Variants in LRGUK observed in about 807,000 individuals in gnomAD.
The protein encoded by LRGUK is leucine-rich repeat and guanylate kinase domain-containing protein.
A neutral mutation model predicts 76.0 loss-of-function variants in LRGUK; 65 were observed. The observed-to-expected ratio is 0.85, with a 90% CI of 0.70 to 1.05. The LOEUF (loss-of-function observed/expected upper bound fraction) is 1.05. LRGUK is among the 50% of genes least tolerant of loss of function. LRGUK has a pLI of 0.00. For missense variants in LRGUK, 758 were observed against 732.8 expected (o/e 1.03, Z -0.40); for synonymous variants, 268 against 265.6 (o/e 1.01, Z -0.09).
At chr7:134,157,614 C>T (rs1317763933) in intron 5 of LRGUK, among the ~76,000 whole-genome samples, 2 of 152,228 alleles carry the variant, frequency 1.3e-5, no homozygotes, top group African/African-American at 2.4e-5. Flanking sequence ...GCTCCGCCTC[C>T]CGGGTTCACG....
chr7:134,190,899 A>G (rs1800195509), intron 11 of LRGUK, among the ~76,000 whole-genome samples: 1 of 148,160 alleles, frequency 6.7e-6, no homozygotes, highest in East Asian at 1.9e-4. Flanking sequence ...GGGGATAGAC[A>G]GTAGTTGAGC....
chr7:134,137,612 A>C (rs1797590613), intron 2 of LRGUK, among the ~76,000 whole-genome samples: 1 of 152,196 alleles, frequency 6.6e-6, no homozygotes, highest in Non-Finnish European at 1.5e-5. Context: ...TTAAAGAAAA[A>C]AAAAATCTAT....
intron 2 of LRGUK, 47 bp downstream of exon 2, chr7:134,137,177 C>G: frequency 7.4e-7 from 1 of 1,347,504 alleles, no homozygotes; most frequent in Non-Finnish European, 1.0e-6. Flanking sequence ...TTGACACTGG[C>G]TAGACCATAT....
chr7:134,235,797 CTG>C (rs1801999792), intron 16 of LRGUK, among the ~76,000 whole-genome samples: 1 of 152,156 alleles, frequency 6.6e-6, no homozygotes, highest in South Asian at 2.1e-4. Flanking sequence ...CATGTCTTCT[CTG>C]AGTCATTTTC....
chr7:134,251,932 G>C (rs574437573), intron 18 of LRGUK, among the ~76,000 whole-genome samples: 1 of 152,228 alleles, frequency 6.6e-6, no homozygotes, highest in South Asian at 2.1e-4. Flanking sequence ...TGGCAATATT[G>C]GTCTCAGTTT....
intron 10 of LRGUK, among the ~76,000 whole-genome samples, chr7:134,180,300 CCA>C (rs1799684748): frequency 7.0e-6 from 1 of 143,522 alleles, no homozygotes; most frequent in Non-Finnish European, 1.5e-5. Context: ...GTCCATCCAT[CCA>C]TCCATCCATC....
chr7:134,142,199 G>A (rs111454165), intron 3 of LRGUK, among the ~76,000 whole-genome samples: 192 of 152,232 alleles, frequency 1.3e-3, no homozygotes, highest in African/African-American at 4.2e-3. Context: ...AATCTAGAAC[G>A]AGGAGAGAGA....
chr7:134,252,361 A>AT (rs1246418189), intron 18 of LRGUK, among the ~76,000 whole-genome samples: 45 of 151,868 alleles, frequency 3.0e-4, no homozygotes, highest in African/African-American at 9.9e-4. Flanking sequence ...ATTAAATTAA[A>AT]TTAAATTAAA....
At chr7:134,137,048 A>C (rs1266445530) in exon 2 of LRGUK, 6 of 1,613,332 alleles carry the variant, frequency 3.7e-6, no homozygotes, top group Non-Finnish European at 5.1e-6. Context: ...GTCCTGAGAG[A>C]GGAGGCTGTG....
chr7:134,210,111 C>T (rs1048889767), exon 16 of LRGUK: 64 of 399,268 alleles, frequency 1.6e-4, no homozygotes, highest in Non-Finnish European at 2.7e-4. Flanking sequence ...CAGAAAGGGA[C>T]GGCTAGAGGA....
intron 6 of LRGUK, among the ~76,000 whole-genome samples, chr7:134,161,413 A>G (rs958287029): frequency 2.0e-5 from 3 of 151,880 alleles, no homozygotes; most frequent in Non-Finnish European, 2.9e-5. Flanking sequence ...GATTATGGGT[A>G]TTTTTTTCTA....
At chr7:134,188,407 G>A (rs1800061194) in intron 11 of LRGUK, among the ~76,000 whole-genome samples, 1 of 152,100 alleles carries the variant, frequency 6.6e-6, no homozygotes, top group Non-Finnish European at 1.5e-5. Flanking sequence ...GAGGGGAATG[G>A]CGTGATCACA....
intron 1 of LRGUK, among the ~76,000 whole-genome samples, chr7:134,131,779 A>T (rs1013547539): frequency 6.6e-6 from 1 of 152,156 alleles, no homozygotes; most frequent in African/African-American, 2.4e-5. Flanking sequence ...GGACAGATGG[A>T]GCTATGCGTT....
chr7:134,209,930 C>T (rs967312862), exon 16 of LRGUK: 1 of 398,952 alleles, frequency 2.5e-6, no homozygotes, highest in African/African-American at 2.1e-5. Context: ...TCTTCCGGAG[C>T]CAGGGCTGCC....
intron 11 of LRGUK, 43 bp downstream of exon 11, chr7:134,183,896 G>T (rs763936259): frequency 2.4e-5 from 39 of 1,606,114 alleles, no homozygotes; most frequent in Non-Finnish European, 3.2e-5. Flanking sequence ...AAATTCATCC[G>T]AATTATTGGA....
intron 9 of LRGUK, among the ~76,000 whole-genome samples, chr7:134,178,084 G>A (rs184097950): frequency 1.1e-4 from 17 of 152,240 alleles, no homozygotes; most frequent in Admixed American, 9.2e-4. Flanking sequence ...AAAACATTCC[G>A]CATGCATCAA....
At position 134,201,536 on chromosome 7, in the gene LRGUK, A is replaced by G. The variant is rs142764450; in HGVS notation, c.1803A>G (p.Gly601=). The change falls in exon 15 of 16, where the codon GGA becomes GGG. Residue 601 remains glycine (G), a synonymous_variant. Transcript: ENST00000645682. ...GTCAGCTCATTAGAGAATACCTTGG[A>G]TTGACTGAGGAACCTGCCAAGAGTT... 11 of 1,613,714 alleles carry G rather than the reference A, an allele frequency of 6.8e-6. 1 individual carries two copies. The African/African-American group carries it at 1.3e-4, about 20-fold the overall frequency.
At chr7:134,209,209 C>G in exon 16 of LRGUK, 1 of 399,004 alleles carries the variant, frequency 2.5e-6, no homozygotes, top group Non-Finnish European at 4.4e-6. Context: ...CCCAGGTAAC[C>G]CCTACTGGCC....
rs909569087 is a variant in LRGUK at position 134,254,920 on chromosome 7, A to G, written c.2199-3337A>G. Among the ~76,000 whole-genome samples, 7 of 152,284 alleles carry G rather than the reference A, an allele frequency of 4.6e-5. No homozygotes were observed. In the East Asian group the frequency reaches 1.3e-3, roughly 29 times the overall value. ...CACTGAAAATGTGCACAATTACACAAAACAAAAAGAGCCAAACTGTAAGAG... is the reference window on the plus strand; with the variant it reads ...CACTGAAAATGTGCACAATTACACAGAACAAAAAGAGCCAAACTGTAAGAG... On this transcript the variant is annotated intron_variant, in intron 18 of 19. Transcript: ENST00000285928.
Sources: allele counts gnomAD v4.1 joint callset (sites outside exome capture counted in the v4.1 genomes callset), GRCh38; gene constraint gnomAD v4.1.1; transcripts MANE v1.5; gene names NCBI Gene and HGNC (gene_info 2026-07-23, HGNC 2026-07-21).